Variants in CNR2 observed in about 807,000 individuals in gnomAD.
CNR2 encodes cannabinoid receptor 2.
For missense variants in CNR2, 379 were observed against 439.9 expected, an observed-to-expected ratio of 0.86 and a Z score of 1.24; for synonymous variants, 172 against 182.2, an observed-to-expected ratio of 0.94 and a Z score of 0.45.
chr1:23,881,168 C>T lies in CNR2; in HGVS notation c.-45-5506G>A, dbSNP rs1218297532. ...GCAGGCACCTGTAATCCCAGCTACT[C>T]GGGAGGCTGAGGCAGGAGAATCGCT... On this transcript the variant is annotated intron_variant, in intron 1 of 1. Transcript: ENST00000374472. 6.6e-5 allele frequency among the ~76,000 whole-genome samples: 10 copies of T among 151,424 alleles called. No homozygotes were observed. In the East Asian group the frequency reaches 1.6e-3, roughly 24 times the overall value.
chr1:23,889,353 G>A (rs1380867800), intron 1 of CNR2, among the ~76,000 whole-genome samples: 1 of 152,198 alleles, frequency 6.6e-6, no homozygotes, highest in Non-Finnish European at 1.5e-5. Flanking sequence ...GTGGGAAGCT[G>A]AGATTTGATG....
chr1:23,874,383 G>A lies in CNR2; in HGVS notation c.*152C>T, dbSNP rs199630240. 5 of 831,128 alleles carry A rather than the reference G, an allele frequency of 6.0e-6. No homozygotes were observed. The highest frequency in any genetic ancestry group is 9.4e-6 in the Non-Finnish European group (5 of 532,534). 51.5% of individuals were successfully genotyped at this position (831,128 alleles called of 1,614,324 possible). On this transcript the variant is annotated 3_prime_UTR_variant, in exon 2 of 2. Coordinates refer to ENST00000374472, the MANE Select transcript of CNR2 (RefSeq NM_001841.3). The stretch of plus-strand genomic sequence containing the variant: ...GTGGGCAAGGCCAGGCTGTCTTCCA[G>A]GAGTCAGTCCCAACACTCATCAGCA...
At chr1:23,898,641 A>ATT (rs71026701) in intron 1 of CNR2, among the ~76,000 whole-genome samples, 3 of 25,332 alleles carry the variant, frequency 1.2e-4, no homozygotes, top group Admixed American at 1.6e-3. Context: ...CGCCTGGCCA[A>ATT]TTTTTTTTTT....
At chr1:23,882,162 A>G (rs1253964886) in intron 1 of CNR2, among the ~76,000 whole-genome samples, 1 of 151,972 alleles carries the variant, frequency 6.6e-6, no homozygotes, top group African/African-American at 2.4e-5. Context: ...ACCTCAGGTT[A>G]TCTGCCCACC....
At chr1:23,880,916 T>C (rs1348787228) in intron 1 of CNR2, among the ~76,000 whole-genome samples, 2 of 149,742 alleles carry the variant, frequency 1.3e-5, no homozygotes, top group Non-Finnish European at 3.0e-5. Context: ...TAATTATAAA[T>C]ATAAATTAAT....
At chr1:23,878,170 G>A (rs542132594) in intron 1 of CNR2, among the ~76,000 whole-genome samples, 3 of 152,178 alleles carry the variant, frequency 2.0e-5, no homozygotes, top group African/African-American at 4.8e-5. Flanking sequence ...TATCCATCCA[G>A]CCTGGGCAAC....
At chr1:23,887,844 C>T (rs1028657738) in intron 1 of CNR2, among the ~76,000 whole-genome samples, 2 of 100,882 alleles carry the variant, frequency 2.0e-5, no homozygotes, top group Non-Finnish European at 4.0e-5. Flanking sequence ...AGTAGCCCCC[C>T]GAAGTTAAAG....
rs529515283 is a variant in CNR2, at chr1:23,896,906, T to C, written c.-46+16340A>G. On this transcript the variant is annotated intron_variant, in intron 1 of 1. Transcript: ENST00000374472. The stretch of plus-strand genomic sequence containing the variant: ...GTTTTTTTTTTTTTTTCTTCTAGAG[T>C]CTTGCTCTGTCACCTAGGCTGGAGG... Among the ~76,000 whole-genome samples the C allele has an allele frequency of 4.9e-5, 7 of 144,316 alleles. No homozygotes were observed. The East Asian group carries it at 1.2e-3, about 25-fold the overall frequency. 94.7% of individuals were successfully genotyped at this position (144,316 alleles called of 152,430 possible).
At chr1:23,908,497 A>G (rs1420451426) in intron 1 of CNR2, among the ~76,000 whole-genome samples, 6 of 152,158 alleles carry the variant, frequency 3.9e-5, no homozygotes, top group Non-Finnish European at 7.3e-5. Context: ...TTATTCACTA[A>G]TTTTTAAAAA....
In CNR2 at chr1:23,902,804, G is replaced by A; in HGVS notation, c.-46+10442C>T. 8 of 1,423,260 alleles carry A rather than the reference G, an allele frequency of 5.6e-6. No individual in the cohort carries two copies. In the South Asian group the frequency reaches 7.4e-5, roughly 13 times the overall value. The allele number at this position is 1,423,260 out of a possible 1,614,324, so 88.2% of individuals were successfully genotyped here. ...TGTGGGCTGCGCGGGCGCGGGCGCG[G>A]GGGCGCGGTGCAGGCTGCGCTGCCC... On this transcript the variant is annotated intron_variant, in intron 1 of 1. Transcript: ENST00000374472.
At chr1:23,901,620 C>A in intron 1 of CNR2, 2 of 1,584,362 alleles carry the variant, frequency 1.3e-6, no homozygotes, top group Non-Finnish European at 1.7e-6. Context: ...TTGCTGCCGT[C>A]CAGAACAGCA....
At chr1:23,897,610 G>A (rs1377331203) in intron 1 of CNR2, among the ~76,000 whole-genome samples, 1 of 151,568 alleles carries the variant, frequency 6.6e-6, no homozygotes. Context: ...GAGTAGCTGG[G>A]ACCACCACAC....
intron 1 of CNR2, among the ~76,000 whole-genome samples, chr1:23,909,261 C>T (rs1435155279): frequency 6.6e-6 from 1 of 152,094 alleles, no homozygotes; most frequent in Non-Finnish European, 1.5e-5. Context: ...TGCTGCATGG[C>T]GTGAGGACTG....
chr1:23,902,921 G>A (rs1332185798), intron 1 of CNR2, among the ~76,000 whole-genome samples: 1 of 151,240 alleles, frequency 6.6e-6, no homozygotes, highest in Non-Finnish European at 1.5e-5. Context: ...CGCCATCCTC[G>A]AGGGCGGGGC....
chr1:23,890,140 T>C (rs573940709), intron 1 of CNR2, among the ~76,000 whole-genome samples: 1 of 150,822 alleles, frequency 6.6e-6, no homozygotes, highest in South Asian at 2.1e-4. Flanking sequence ...ATGTATGTAG[T>C]CCCAGCTACT....
intron 1 of CNR2, among the ~76,000 whole-genome samples, chr1:23,877,193 G>C (rs530149193): frequency 6.6e-6 from 1 of 152,272 alleles, no homozygotes; most frequent in African/African-American, 2.4e-5. Context: ...TTAAAAACAT[G>C]AGTACAGAAT....
chr1:23,883,508 C>T (rs1020238183), intron 1 of CNR2, among the ~76,000 whole-genome samples: 14 of 152,190 alleles, frequency 9.2e-5, no homozygotes, highest in African/African-American at 2.4e-4. Flanking sequence ...GTGGTGAAAA[C>T]GTGCCAACAA....
At chr1:23,896,004 A>G (rs1640276746) in intron 1 of CNR2, among the ~76,000 whole-genome samples, 1 of 151,788 alleles carries the variant, frequency 6.6e-6, no homozygotes, top group Non-Finnish European at 1.5e-5. Flanking sequence ...CATTGCTACC[A>G]TTAGCTGGCC....
rs1336110702 is a variant in CNR2, at chr1:23,874,773, G to A, written c.845C>T (p.Ala282Val). ...TLSDQVKKAF[A>V]FCSMLCLINS... ...GATGAGGCACAGCATGGAGCAGAAA[G>A]CAAAGGCCTTCTTGACCTGGTCACT... Residue 282 changes from alanine (A) to valine (V), a missense_variant, in exon 2 of 2, where the codon GCT becomes GTT. Ala to Val is a moderately conservative substitution (Grantham distance 64). Coordinates refer to ENST00000374472, the MANE Select transcript of CNR2 (RefSeq NM_001841.3). 1 of 1,614,170 alleles carries A rather than the reference G, an allele frequency of 6.2e-7. No homozygotes were observed.
Sources: allele counts gnomAD v4.1 joint callset (sites outside exome capture counted in the v4.1 genomes callset), GRCh38; gene constraint gnomAD v4.1.1; transcripts MANE v1.5; gene names NCBI Gene and HGNC (gene_info 2026-07-23, HGNC 2026-07-21).